The following ADD1 variants were observed in gnomAD, a reference collection of about 807,000 sequenced individuals.
ADD1 encodes adducin 1, also known as alpha-adducin.
Under a neutral mutation model 80.5 loss-of-function variants are expected in ADD1, and 24 were observed. The ratio of observed to expected loss-of-function variants is 0.30; its 90% CI spans 0.22 to 0.42. ADD1 has a LOEUF of 0.42. ADD1 is among the 10% of genes least tolerant of loss of function. The probability of loss-of-function intolerance (pLI) is 1.00; values close to 1 mark genes in which losing one functional copy is unlikely to be tolerated. For synonymous variants in ADD1, 373 were observed against 393.8 expected, an observed-to-expected ratio of 0.95 and a Z score of 0.63; for missense variants, 948 against 1,019.0, an observed-to-expected ratio of 0.93 and a Z score of 0.95.
In ADD1 at chr4:2,898,288, A is replaced by G. The variant is rs368155471; in HGVS notation, c.846A>G (p.Glu282=). The change falls in exon 7 of 16, where the codon GAA becomes GAG. Residue 282 remains glutamate, a synonymous_variant. Transcript: ENST00000683351. The part of the protein sequence containing the change: ...DYHGILVDEE[E]KVLIQKNLGP... The stretch of plus-strand genomic sequence containing the variant: ...ATGGCATTCTGGTTGATGAAGAGGA[A>G]AAAGTTTTGATTCAGAAAAATCTGG... The G allele has an allele frequency of 2.0e-5, 33 of 1,614,214 alleles. No homozygotes were observed. The highest frequency in any genetic ancestry group is 2.8e-5 in the Non-Finnish European group (33 of 1,180,046).
At chr4:2,883,427 T>C (rs1009719284) in intron 3 of ADD1, among the ~76,000 whole-genome samples, 4 of 152,184 alleles carry the variant, frequency 2.6e-5, no homozygotes, top group African/African-American at 9.7e-5. Flanking sequence ...TCTGAATGGA[T>C]GTTGAACTTT....
intron 13 of ADD1, among the ~76,000 whole-genome samples, chr4:2,909,844 A>G (rs928945178): frequency 2.6e-5 from 4 of 151,766 alleles, no homozygotes; most frequent in Non-Finnish European, 4.4e-5. Context: ...CGCTGGTTCA[A>G]CTTTGACTGT....
chr4:2,921,665 A>C (rs1740069153), intron 14 of ADD1, among the ~76,000 whole-genome samples: 1 of 151,940 alleles, frequency 6.6e-6, no homozygotes, highest in South Asian at 2.1e-4. Flanking sequence ...GTATTTCGTG[A>C]ATTTGAATGT....
intron 14 of ADD1, among the ~76,000 whole-genome samples, chr4:2,920,947 T>G (rs1005792427): frequency 6.6e-6 from 1 of 152,188 alleles, no homozygotes; most frequent in Non-Finnish European, 1.5e-5. Flanking sequence ...TCTTTACAAT[T>G]TGGTATGTTT....
rs754755610 is a variant in ADD1 at position 2,898,467 on chromosome 4, T to C, written c.920T>C (p.Val307Ala). 1.4e-5 allele frequency: 22 copies of C among 1,614,086 alleles called. No individual in the cohort carries two copies. Among genetic ancestry groups the C allele is most frequent in the Non-Finnish European group, 1.7e-5 (20 of 1,180,044 alleles). ...CTCCGGAACCATGGGCTCGTGTCAG[T>C]TGGAGAGAGCGTTGAGGAGGCCTTC... The part of the protein sequence containing the change: ...LILRNHGLVS[V>A]GESVEEAFYY... Residue 307 changes from valine (V) to alanine (A), a missense_variant, in exon 8 of 16, where the codon GTT (valine) becomes GCT (alanine). Coordinates refer to ENST00000683351, the MANE Select transcript of ADD1 (RefSeq NM_001354761.2).
chr4:2,926,075 C>T lies in ADD1; in HGVS notation c.2010C>T (p.Pro670=). ...EKSPPDQPAV[P]HPPPSTPIKL... is the part of the protein sequence containing the mutation. ...GTCCTCCAGACCAGCCTGCGGTCCC[C>T]CACCCGCCTCCCAGCACTCCCATCA... is the stretch of plus-strand genomic sequence containing the variant. The change falls in exon 15 of 16, where the codon CCC becomes CCT. Residue 670 remains proline (P), a synonymous_variant. Coordinates refer to ENST00000683351, the MANE Select transcript of ADD1 (RefSeq NM_001354761.2). This position sits in a 1 kb window ranked among gnomAD's most constrained non-coding sequence, Gnocchi z 5.0. 2 of 1,614,178 alleles carry T rather than the reference C, an allele frequency of 1.2e-6. No homozygotes were observed. Among genetic ancestry groups the T allele is most frequent in the Non-Finnish European group, 1.7e-6 (2 of 1,180,010 alleles).
intron 9 of ADD1, chr4:2,904,541 T>G: frequency 1.7e-6 from 1 of 582,544 alleles, no homozygotes; most frequent in Non-Finnish European, 3.1e-6. Context: ...TTGGGTTGTT[T>G]CCAATTGTGG....
intron 1 of ADD1, among the ~76,000 whole-genome samples, chr4:2,852,060 TC>T (rs2108786448): frequency 6.6e-6 from 1 of 152,198 alleles, no homozygotes; most frequent in South Asian, 2.1e-4. Context: ...GGTCTCGAAC[TC>T]CTGACCTCAG....
intron 1 of ADD1, among the ~76,000 whole-genome samples, chr4:2,846,836 A>T (rs1006711900): frequency 6.8e-6 from 1 of 146,624 alleles, no homozygotes; most frequent in Non-Finnish European, 1.5e-5. Context: ...AAAAAAAAAA[A>T]GCCGAGCGTG....
rs186580905 is a variant in ADD1, at chr4:2,914,684, C to T, written c.1792-200C>T. The T allele has an allele frequency of 2.1e-4, 116 of 543,010 alleles. No individual in the cohort carries two copies. The East Asian group carries it at 3.3e-3, about 15-fold the overall frequency. The allele number at this position is 543,010 out of a possible 1,614,324, so 33.6% of individuals were successfully genotyped here. A position where few individuals can be genotyped will look rare whatever the true frequency, so the allele number is the denominator to read the frequency against. ...TCTTTTGTGGTTAATATCTGTTCATCGTGGCACTGACCTGTGTTTCCATTA... is the reference window on the plus strand; with the variant it reads ...TCTTTTGTGGTTAATATCTGTTCATTGTGGCACTGACCTGTGTTTCCATTA... On this transcript the variant is annotated intron_variant, in intron 13 of 15. Coordinates refer to ENST00000683351, the MANE Select transcript of ADD1 (RefSeq NM_001354761.2).
chr4:2,883,896 C>T (rs568559137), intron 3 of ADD1, among the ~76,000 whole-genome samples: 1 of 152,212 alleles, frequency 6.6e-6, no homozygotes, highest in Non-Finnish European at 1.5e-5. Context: ...TGGTCTCGAT[C>T]TCCTGACCTT....
intron 4 of ADD1, among the ~76,000 whole-genome samples, chr4:2,890,696 C>G (rs1734169976): frequency 6.6e-6 from 1 of 152,134 alleles, no homozygotes; most frequent in African/African-American, 2.4e-5. Flanking sequence ...GCATGAGCCA[C>G]CATGCCTGGC....
chr4:2,863,160 C>T (rs1210185286), intron 1 of ADD1, among the ~76,000 whole-genome samples: 2 of 151,950 alleles, frequency 1.3e-5, no homozygotes, highest in Non-Finnish European at 2.9e-5. Flanking sequence ...ATCCTCTCAC[C>T]TCAGACTCCT....
At position 2,852,195 on chromosome 4, in the gene ADD1, T is replaced by TTTCTTTCTTTCC. The variant is rs1341444750; in HGVS notation, c.-21+8174_-21+8175insTTTCTTTCCTTC. Among the ~76,000 whole-genome samples, 6 of 110,114 alleles carry TTTCTTTCTTTCC rather than the reference T, an allele frequency of 5.4e-5. No homozygotes were observed. The East Asian group carries it at 1.6e-3, about 29-fold the overall frequency. The allele number at this position is 110,114 out of a possible 152,430, so 72.2% of individuals were successfully genotyped here. ...CTTTCTTTCTTTCTTTCTTTCTTTC[T>TTTCTTTCTTTCC]TTCCTTTCTTTCCTTTCCTTTCTTT... On this transcript the variant is annotated intron_variant, in intron 1 of 15. Transcript: ENST00000683351.
At chr4:2,904,622 G>A in intron 9 of ADD1, 142 bp from the exon 10 acceptor site, 2 of 734,316 alleles carry the variant, frequency 2.7e-6, no homozygotes, top group Non-Finnish European at 4.5e-6. Context: ...CTTCTGTGGG[G>A]TGTAAAATTA....
chr4:2,866,222 AG>A (rs775084139), intron 1 of ADD1, among the ~76,000 whole-genome samples: 4 of 152,216 alleles, frequency 2.6e-5, no homozygotes, highest in African/African-American at 4.8e-5. Context: ...GCTGGAGTGC[AG>A]TAGCACAATC....
intron 14 of ADD1, among the ~76,000 whole-genome samples, chr4:2,919,777 A>T (rs1739687003): frequency 6.6e-6 from 1 of 151,440 alleles, no homozygotes; most frequent in South Asian, 2.1e-4. Flanking sequence ...ATCAATCTTT[A>T]AAAAAAACCA....
chr4:2,913,905 C>T (rs1218575220), intron 13 of ADD1, among the ~76,000 whole-genome samples: 1 of 151,904 alleles, frequency 6.6e-6, no homozygotes, highest in East Asian at 1.9e-4. Flanking sequence ...GAAGTGAGCT[C>T]CAGGGTAGCC....
Position 2,894,104 on chromosome 4 carries a change from C to G in ADD1, c.591+11C>G. 6.2e-7 allele frequency: 1 copy of G among 1,609,778 alleles called. No individual in the cohort carries two copies. Among genetic ancestry groups the G allele is most frequent in the Non-Finnish European group, 8.5e-7 (1 of 1,176,060 alleles). ...ACTGCATCCAGTTTGGTAAGAATGT[C>G]CTTCTCTTTGGCAGCTTGTATGTGC... On this transcript the variant is annotated intron_variant, in intron 5 of 15. Transcript: ENST00000683351.
Sources: gnomAD v4.1 joint callset for allele counts (sites outside exome capture counted in the v4.1 genomes callset) on GRCh38, gnomAD v4.1.1 for gene constraint, Gnocchi (gnomAD v3.1) non-coding constraint, MANE v1.5 for transcripts, NCBI Gene and HGNC (gene_info 2026-07-23, HGNC 2026-07-21) for gene names.